Variants in CD2AP observed in about 807,000 individuals in gnomAD.
The protein encoded by CD2AP is CD2-associated protein.
A neutral mutation model predicts 85.1 loss-of-function variants in CD2AP; 46 were observed. The observed-to-expected ratio is 0.54, with a 90% CI of 0.43 to 0.69. The LOEUF is 0.69. Ranked by LOEUF, CD2AP falls within the 30% of genes least tolerant of loss-of-function variation. The pLI is 0.00. For missense variants in CD2AP, 769 were observed against 729.5 expected (o/e 1.05, Z -0.62); for synonymous variants, 255 against 252.9 (o/e 1.01, Z -0.08).
chr6:47,501,323 G>T (rs938964217), intron 1 of CD2AP, among the ~76,000 whole-genome samples: 1 of 152,182 alleles, frequency 6.6e-6, no homozygotes, highest in Non-Finnish European at 1.5e-5. Context: ...GCTATACATA[G>T]ACTATCTGTA....
chr6:47,618,387 T>G (rs535081554), intron 17 of CD2AP, among the ~76,000 whole-genome samples: 5 of 152,174 alleles, frequency 3.3e-5, no homozygotes, highest in Non-Finnish European at 7.4e-5. Context: ...TATAATAACT[T>G]CCTATATTTT....
At chr6:47,578,981 T>C (rs1768387426) in intron 8 of CD2AP, among the ~76,000 whole-genome samples, 1 of 152,178 alleles carries the variant, frequency 6.6e-6, no homozygotes, top group East Asian at 1.9e-4. Flanking sequence ...TCTTTTTTCC[T>C]CTGAGAACAT....
chr6:47,541,287 C>T (rs749298471), intron 3 of CD2AP, among the ~76,000 whole-genome samples: 19 of 152,084 alleles, frequency 1.2e-4, no homozygotes, highest in Non-Finnish European at 2.2e-4. Flanking sequence ...CCACGCCCGG[C>T]TAATTTTTTT....
chr6:47,542,122 CCTTT>C (rs1308149474), intron 3 of CD2AP, among the ~76,000 whole-genome samples: 1 of 152,104 alleles, frequency 6.6e-6, no homozygotes, highest in Non-Finnish European at 1.5e-5. Context: ...TCAAACCTGT[CCTTT>C]CTAATTTTTG....
At chr6:47,563,753 G>A (rs775727317) in intron 5 of CD2AP, among the ~76,000 whole-genome samples, 2 of 152,118 alleles carry the variant, frequency 1.3e-5, no homozygotes, top group South Asian at 2.1e-4. Flanking sequence ...AATGAAAAAA[G>A]CGTGAGCTCC....
chr6:47,494,846 G>A (rs1280348280), intron 1 of CD2AP, among the ~76,000 whole-genome samples: 2 of 152,174 alleles, frequency 1.3e-5, no homozygotes, highest in Admixed American at 6.5e-5. Context: ...CCCTTCATAC[G>A]TGTAAATGTT....
At chr6:47,483,101 G>A (rs1006494056) in intron 1 of CD2AP, among the ~76,000 whole-genome samples, 1 of 152,134 alleles carries the variant, frequency 6.6e-6, no homozygotes, top group Admixed American at 6.5e-5. Context: ...TAGGTAAATT[G>A]GGTAATTATT....
In CD2AP at chr6:47,515,943, G is replaced by A. The variant is rs572563765; in HGVS notation, c.165+12503G>A. 5.3e-5 allele frequency among the ~76,000 whole-genome samples: 8 copies of A among 152,004 alleles called. No homozygotes were observed. The South Asian group carries it at 1.0e-3, about 20-fold the overall frequency. On this transcript the variant is annotated intron_variant, in intron 2 of 17. Transcript: ENST00000359314. ...TAAAGATGGAATGCAAAATATGTGG[G>A]AAAAAAAGTAAAAATACAGGTAATT...
intron 16 of CD2AP, among the ~76,000 whole-genome samples, chr6:47,611,166 A>G (rs1438362512): frequency 6.6e-6 from 1 of 150,952 alleles, no homozygotes; most frequent in Non-Finnish European, 1.5e-5. Flanking sequence ...GCATACAACA[A>G]TAAAAGTAAG....
chr6:47,505,938 G>T (rs1197033787), intron 2 of CD2AP, among the ~76,000 whole-genome samples: 2 of 98,670 alleles, frequency 2.0e-5, no homozygotes, highest in African/African-American at 4.0e-5. Context: ...GGTGGCTGCC[G>T]GGCGGAGACG....
chr6:47,611,315 G>A (rs1407239142), intron 16 of CD2AP, among the ~76,000 whole-genome samples: 1 of 151,424 alleles, frequency 6.6e-6, no homozygotes, highest in Non-Finnish European at 1.5e-5. Flanking sequence ...GAATGTATTT[G>A]CGTGTGGCAA....
intron 8 of CD2AP, among the ~76,000 whole-genome samples, chr6:47,578,591 A>G (rs1255159530): frequency 2.0e-5 from 3 of 151,944 alleles, no homozygotes; most frequent in Non-Finnish European, 1.5e-5. Flanking sequence ...GTTAAGAAGG[A>G]TACAGTTTAG....
intron 1 of CD2AP, among the ~76,000 whole-genome samples, chr6:47,496,620 A>C (rs1044682325): frequency 6.6e-6 from 1 of 152,214 alleles, no homozygotes; most frequent in Non-Finnish European, 1.5e-5. Flanking sequence ...AATCTTGTCA[A>C]AGTAATTCCT....
chr6:47,519,220 G>A (rs926755437), intron 2 of CD2AP, among the ~76,000 whole-genome samples: 1 of 152,108 alleles, frequency 6.6e-6, no homozygotes, highest in African/African-American at 2.4e-5. Flanking sequence ...TTGGGGAGGT[G>A]GAAAATGACA....
intron 2 of CD2AP, among the ~76,000 whole-genome samples, chr6:47,531,442 C>T (rs573441990): frequency 3.3e-5 from 5 of 151,480 alleles, no homozygotes; most frequent in African/African-American, 4.8e-5. Context: ...TGCGGGAAAC[C>T]GAGGACTGGA....
chr6:47,560,346 G>T (rs1767822547), intron 5 of CD2AP, among the ~76,000 whole-genome samples: 1 of 151,974 alleles, frequency 6.6e-6, no homozygotes, highest in Admixed American at 6.6e-5. Context: ...TGTTTATTCT[G>T]TAATCTCCAT....
At chr6:47,502,505 T>A (rs2113980351) in intron 1 of CD2AP, among the ~76,000 whole-genome samples, 1 of 151,020 alleles carries the variant, frequency 6.6e-6, no homozygotes, top group African/African-American at 2.4e-5. Flanking sequence ...TTTTTTTTTT[T>A]TTTTTTTGAG....
rs531160991 is a variant in CD2AP, at chr6:47,621,794, T to TCATC, written c.1879-2387_1879-2384dup. On this transcript the variant is annotated intron_variant, in intron 17 of 17. Transcript: ENST00000359314. ...AGGAGGGTTGTATTTTTCCAGAAAT[T>TCATC]CATCCATCTCTTCTAGGTTTTCTAG... Among the ~76,000 whole-genome samples, 74 of 152,326 alleles carry TCATC rather than the reference T, an allele frequency of 4.9e-4. 2 individuals carry two copies. The East Asian group carries it at 0.011, about 22-fold the overall frequency.
intron 11 of CD2AP, among the ~76,000 whole-genome samples, chr6:47,591,015 A>G (rs1768778309): frequency 6.6e-6 from 1 of 152,198 alleles, no homozygotes; most frequent in Non-Finnish European, 1.5e-5. Context: ...AATTTATAAC[A>G]AAGTTTATAA....
Sources: gnomAD v4.1 joint callset for allele counts (sites outside exome capture counted in the v4.1 genomes callset) on GRCh38, gnomAD v4.1.1 for gene constraint, MANE v1.5 for transcripts, NCBI Gene and HGNC (gene_info 2026-07-23, HGNC 2026-07-21) for gene names.